Variants in NRXN1 observed in about 807,000 individuals in gnomAD.
The protein encoded by NRXN1 is neurexin-1.
NRXN1 carries 39 observed loss-of-function variants against 150.9 expected under a neutral mutation model. That is an observed-to-expected ratio of 0.26 (90% CI 0.20 to 0.34). The LOEUF is 0.34. NRXN1 is among the 10% of genes least tolerant of loss of function. The pLI is 1.00. For synonymous variants in NRXN1, 924 were observed against 757.0 expected (o/e 1.22, Z -3.62); for missense variants, 1,815 against 1,949.9 (o/e 0.93, Z 1.30).
At chr2:50,121,284 G>A (rs1292131884) in intron 18 of NRXN1, among the ~76,000 whole-genome samples, 1 of 152,194 alleles carries the variant, frequency 6.6e-6, no homozygotes, top group East Asian at 1.9e-4. Context: ...GCCTCCCAAA[G>A]TGCTGGGATT....
At chr2:50,781,637 A>G (rs1485839035) in intron 5 of NRXN1, among the ~76,000 whole-genome samples, 1 of 152,228 alleles carries the variant, frequency 6.6e-6, no homozygotes, top group Non-Finnish European at 1.5e-5. Flanking sequence ...TAAAAACCAG[A>G]CTTTCTAAAG....
intron 21 of NRXN1, among the ~76,000 whole-genome samples, chr2:49,957,234 G>T (rs6713940): frequency 6.6e-6 from 1 of 151,784 alleles, no homozygotes; most frequent in African/African-American, 2.4e-5. Flanking sequence ...GATTTCTTTC[G>T]ATGTAAAAGT....
intron 8 of NRXN1, among the ~76,000 whole-genome samples, chr2:50,591,687 GCGAGGCCT>G (rs770179710): frequency 1.4e-4 from 21 of 152,204 alleles, no homozygotes; most frequent in Admixed American, 2.6e-4. Context: ...GCTGACGACA[GCGAGGCCT>G]CTGTGCTGTG....
chr2:50,649,259 T>TACACACACACACACACACACAC (rs10634117), intron 5 of NRXN1, among the ~76,000 whole-genome samples: 2 of 143,324 alleles, frequency 1.4e-5, no homozygotes, highest in African/African-American at 2.6e-5. Flanking sequence ...CATACACACA[T>TACACACACACACACACACACAC]ACACACACAC....
chr2:50,721,334 A>G (rs1282872116), intron 5 of NRXN1, among the ~76,000 whole-genome samples: 1 of 152,204 alleles, frequency 6.6e-6, no homozygotes, highest in African/African-American at 2.4e-5. Flanking sequence ...AATCAGCTCT[A>G]GTTTGTACTG....
rs1687946187 is a variant in NRXN1 at position 50,024,105 on chromosome 2, C to T, written c.4128+29166G>A. ...AAGGAATTGTGTGTCCTACCTTTCTCACTGATACCTAGGGAAGAAACAAGG... is the reference window on the plus strand; with the variant it reads ...AAGGAATTGTGTGTCCTACCTTTCTTACTGATACCTAGGGAAGAAACAAGG... On this transcript the variant is annotated intron_variant, in intron 21 of 22. Transcript: ENST00000401669. 2.0e-5 allele frequency: 3 copies of T among 152,288 alleles called. No homozygotes were observed. The South Asian group carries it at 6.2e-4, about 32-fold the overall frequency. 9.4% of individuals were successfully genotyped at this position (152,288 alleles called of 1,614,324 possible).
intron 13 of NRXN1, among the ~76,000 whole-genome samples, chr2:50,506,081 G>C (rs2092206760): frequency 6.6e-6 from 1 of 151,986 alleles, no homozygotes; most frequent in Admixed American, 6.6e-5. Context: ...AAGCCAGATA[G>C]ATAAACGCCA....
At chr2:50,896,371 A>C (rs1035385930) in intron 5 of NRXN1, among the ~76,000 whole-genome samples, 2 of 152,214 alleles carry the variant, frequency 1.3e-5, no homozygotes, top group Admixed American at 1.3e-4. Flanking sequence ...GCACTGACAA[A>C]GATTCCTGCC....
At position 50,845,807 on chromosome 2, in the gene NRXN1, G is replaced by A. The variant is rs183428321; in HGVS notation, c.832+76062C>T. ...AGATATGTCTGATATAAATATCTAC[G>A]CTGACACACTGAAGGAAAAATAAGG... On this transcript the variant is annotated intron_variant, in intron 5 of 22. Coordinates refer to ENST00000401669, the MANE Select transcript of NRXN1 (RefSeq NM_001330078.2). Among the ~76,000 whole-genome samples, 263 of 152,078 alleles carry A rather than the reference G, an allele frequency of 1.7e-3. 1 individual carries two copies. Among genetic ancestry groups the A allele is most frequent in the African/African-American group, 6.2e-3 (258 of 41,466 alleles).
intron 8 of NRXN1, among the ~76,000 whole-genome samples, chr2:50,614,658 T>TAA (rs1488066313): frequency 2.4e-5 from 2 of 81,952 alleles, no homozygotes; most frequent in African/African-American, 9.5e-5. Flanking sequence ...TATATATATA[T>TAA]AAAATAAAAA....
intron 22 of NRXN1, among the ~76,000 whole-genome samples, chr2:49,941,796 G>C (rs956206497): frequency 6.6e-5 from 10 of 152,076 alleles, no homozygotes; most frequent in African/African-American, 1.9e-4. Context: ...ACAAAGACCA[G>C]ACTTTGTTAC....
intron 2 of NRXN1, among the ~76,000 whole-genome samples, chr2:50,984,718 C>T (rs1234123764): frequency 6.6e-6 from 1 of 152,000 alleles, no homozygotes; most frequent in Non-Finnish European, 1.5e-5. Context: ...TGGATAAGGG[C>T]ACCAGAGTTG....
intron 5 of NRXN1, among the ~76,000 whole-genome samples, chr2:50,782,141 TG>T (rs1034449559): frequency 3.3e-5 from 5 of 151,546 alleles, no homozygotes; most frequent in Non-Finnish European, 4.4e-5. Context: ...TAATAATAAA[TG>T]GGTTAAGGTT....
intron 2 of NRXN1, among the ~76,000 whole-genome samples, chr2:50,927,020 T>G (rs2104347129): frequency 6.6e-6 from 1 of 151,940 alleles, no homozygotes. Context: ...AAGAGCAAGG[T>G]TTCAGTAGTT....
At chr2:50,597,280 C>T (rs1558994589) in intron 8 of NRXN1, among the ~76,000 whole-genome samples, 1 of 152,084 alleles carries the variant, frequency 6.6e-6, no homozygotes, top group Non-Finnish European at 1.5e-5. Context: ...ATCACAATAC[C>T]CCAAACCTTT....
intron 17 of NRXN1, among the ~76,000 whole-genome samples, chr2:50,244,931 T>C (rs553590113): frequency 6.6e-6 from 1 of 151,840 alleles, no homozygotes; most frequent in African/African-American, 2.4e-5. Flanking sequence ...CAGAAAAAAA[T>C]GATAAGAAAA....
intron 17 of NRXN1, among the ~76,000 whole-genome samples, chr2:50,363,564 T>C (rs2079373289): frequency 6.6e-6 from 1 of 152,156 alleles, no homozygotes; most frequent in Non-Finnish European, 1.5e-5. Flanking sequence ...CCAGTTAGAA[T>C]GGTGATCATT....
chr2:50,704,954 C>G (rs770949268), intron 5 of NRXN1, among the ~76,000 whole-genome samples: 15 of 151,720 alleles, frequency 9.9e-5, no homozygotes, highest in African/African-American at 3.4e-4. Flanking sequence ...GATAAATAAA[C>G]TGATCTTTCA....
chr2:50,463,618 T>A (rs377189710), intron 17 of NRXN1, among the ~76,000 whole-genome samples: 6 of 151,956 alleles, frequency 3.9e-5, no homozygotes, highest in African/African-American at 1.4e-4. Flanking sequence ...AATAGTTTTC[T>A]GTAAAAATCA....
Sources: allele counts gnomAD v4.1 joint callset (sites outside exome capture counted in the v4.1 genomes callset), GRCh38; gene constraint gnomAD v4.1.1; transcripts MANE v1.5; gene names NCBI Gene and HGNC (gene_info 2026-07-23, HGNC 2026-07-21).